FOXP1: variants seen among roughly 807,000 people sequenced by gnomAD.
FOXP1 encodes forkhead box P1, also known as forkhead box protein P1.
A neutral mutation model predicts 98.2 loss-of-function variants in FOXP1; 15 were observed. The ratio of observed to expected loss-of-function variants is 0.15; its 90% CI spans 0.10 to 0.24. FOXP1 has a LOEUF of 0.24. Ranked by LOEUF, FOXP1 falls within the 10% of genes least tolerant of loss-of-function variation. The pLI is 1.00. For missense variants in FOXP1, 633 were observed against 848.5 expected (o/e 0.75, Z 3.15); for synonymous variants, 371 against 314.5 (o/e 1.18, Z -1.90).
chr3:71,561,007 T>G (rs185006349), intron 2 of FOXP1, among the ~76,000 whole-genome samples: 36 of 152,272 alleles, frequency 2.4e-4, no homozygotes, highest in Non-Finnish European at 3.7e-4. Context: ...TGTGATGATG[T>G]TATACAACTA....
intron 2 of FOXP1, among the ~76,000 whole-genome samples, chr3:71,493,958 T>C (rs1158611208): frequency 1.3e-5 from 2 of 152,196 alleles, no homozygotes; most frequent in Non-Finnish European, 2.9e-5. Context: ...GTAAAAAATT[T>C]AAATAATTTT....
chr3:71,499,953 C>T (rs2041212366), intron 2 of FOXP1, among the ~76,000 whole-genome samples: 1 of 152,126 alleles, frequency 6.6e-6, no homozygotes, highest in Admixed American at 6.5e-5. Context: ...AATAATAACT[C>T]AAACGTGCCC....
intron 20 of FOXP1, among the ~76,000 whole-genome samples, chr3:70,960,106 G>A (rs2032963943): frequency 6.6e-6 from 1 of 152,118 alleles, no homozygotes; most frequent in African/African-American, 2.4e-5. Context: ...CCCAAGCGAG[G>A]TTCTATCATT....
intron 3 of FOXP1, among the ~76,000 whole-genome samples, chr3:71,435,150 A>G (rs2085130017): frequency 7.0e-6 from 1 of 142,622 alleles, no homozygotes; most frequent in Admixed American, 7.3e-5. Context: ...GATGAGGAGG[A>G]GAGGAAGGAG....
intron 3 of FOXP1, among the ~76,000 whole-genome samples, chr3:71,366,538 G>A (rs554904706): frequency 2.4e-4 from 37 of 152,120 alleles, no homozygotes; most frequent in African/African-American, 8.7e-4. Context: ...ATGGGATTAC[G>A]GTCAGGATTT....
intron 7 of FOXP1, among the ~76,000 whole-genome samples, chr3:71,104,204 AATC>A (rs1169303293): frequency 1.3e-5 from 2 of 152,182 alleles, no homozygotes; most frequent in African/African-American, 2.4e-5. Context: ...TCAAGACTAA[AATC>A]ATGATTATTT....
chr3:71,392,966 A>G (rs1281763345), intron 3 of FOXP1, among the ~76,000 whole-genome samples: 1 of 152,208 alleles, frequency 6.6e-6, no homozygotes, highest in African/African-American at 2.4e-5. Context: ...TGAGATGGCA[A>G]GCCACATTCA....
At chr3:71,040,570 T>A (rs1407235597) in intron 11 of FOXP1, among the ~76,000 whole-genome samples, 3 of 152,226 alleles carry the variant, frequency 2.0e-5, no homozygotes, top group African/African-American at 7.2e-5. Flanking sequence ...TAGAACTGCA[T>A]GCTAACATGG....
intron 3 of FOXP1, among the ~76,000 whole-genome samples, chr3:71,423,997 C>A (rs2083882849): frequency 6.6e-6 from 1 of 152,166 alleles, no homozygotes; most frequent in Non-Finnish European, 1.5e-5. Flanking sequence ...TCTCCTTATG[C>A]TGCCCAGGTT....
intron 16 of FOXP1, 107 bp from the exon 17 acceptor site, chr3:70,977,149 G>C (rs1344364185): frequency 7.6e-6 from 6 of 793,838 alleles, no homozygotes; most frequent in African/African-American, 6.8e-5. Flanking sequence ...GCTAAATCCT[G>C]AGAAAGGTTT....
Position 70,958,567 on chromosome 3 carries a change from C to T in FOXP1, c.*680G>A, listed in dbSNP as rs1314227438. ...ATCACAAGGTACAGAAAACTTTAAG[C>T]CTCCAAGAGGCCATCGGCCCAAATG... On this transcript the variant is annotated 3_prime_UTR_variant, in exon 21 of 21. Transcript: ENST00000649528. 1 of 250,904 alleles carries T rather than the reference C, an allele frequency of 4.0e-6. No individual in the cohort carries two copies. Among genetic ancestry groups the T allele is most frequent in the Non-Finnish European group, 7.7e-6 (1 of 129,256 alleles). The allele number at this position is 250,904 out of a possible 1,614,324, so 15.5% of individuals were successfully genotyped here. A position where few individuals can be genotyped will look rare whatever the true frequency, so the allele number is the denominator to read the frequency against.
intron 2 of FOXP1, among the ~76,000 whole-genome samples, chr3:71,520,761 G>T (rs1408788821): frequency 6.6e-6 from 1 of 152,186 alleles, no homozygotes; most frequent in Non-Finnish European, 1.5e-5. Flanking sequence ...GGTTGGCATT[G>T]ACAAGTCAAT....
chr3:71,362,556 A>G (rs2078645203), intron 3 of FOXP1, among the ~76,000 whole-genome samples: 1 of 152,072 alleles, frequency 6.6e-6, no homozygotes. Context: ...TGCAGCCTCA[A>G]TCTCCCAGGC....
intron 4 of FOXP1, among the ~76,000 whole-genome samples, chr3:71,308,799 GTGTGTGT>G (rs2074481164): frequency 1.4e-5 from 2 of 140,776 alleles, no homozygotes; most frequent in South Asian, 2.3e-4. Flanking sequence ...GTGTGTGTGT[GTGTGTGT>G]GGGTGAGGGG....
At chr3:71,479,689 A>AAAAAGAAAAG (rs577534734) in intron 3 of FOXP1, among the ~76,000 whole-genome samples, 1 of 151,278 alleles carries the variant, frequency 6.6e-6, no homozygotes, top group Non-Finnish European at 1.5e-5. Flanking sequence ...CAAAAAAAAA[A>AAAAAGAAAAG]AAAAGAAAAG....
chr3:71,100,168 C>T (rs545817914), intron 7 of FOXP1, among the ~76,000 whole-genome samples: 2 of 152,248 alleles, frequency 1.3e-5, no homozygotes, highest in African/African-American at 4.8e-5. Flanking sequence ...CCTAATCAAT[C>T]GTGGCACTCT....
chr3:71,319,332 C>CGAGCCT (rs2075265194), intron 4 of FOXP1, among the ~76,000 whole-genome samples: 1 of 152,050 alleles, frequency 6.6e-6, no homozygotes, highest in Admixed American at 6.6e-5. Flanking sequence ...AATATATGAT[C>CGAGCCT]GAGCCTGCTG....
chr3:71,367,806 C>T (rs1240797497), intron 3 of FOXP1, among the ~76,000 whole-genome samples: 2 of 152,182 alleles, frequency 1.3e-5, no homozygotes, highest in African/African-American at 4.8e-5. Flanking sequence ...AATTTGACCA[C>T]CAGTCCTTTC....
chr3:71,177,436 AG>A (rs1285039155), intron 6 of FOXP1, among the ~76,000 whole-genome samples: 1 of 152,224 alleles, frequency 6.6e-6, no homozygotes, highest in Non-Finnish European at 1.5e-5. Flanking sequence ...AAAACATTTC[AG>A]GAAACTCAAT....
Sources: gnomAD v4.1 joint callset for allele counts (sites outside exome capture counted in the v4.1 genomes callset) on GRCh38, gnomAD v4.1.1 for gene constraint, MANE v1.5 for transcripts, NCBI Gene and HGNC (gene_info 2026-07-23, HGNC 2026-07-21) for gene names.